Variants in SMYD3 observed in about 807,000 individuals in gnomAD.
SMYD3 encodes the protein SET and MYND domain containing 3.
SMYD3 carries 36 observed loss-of-function variants against 57.7 expected under a neutral mutation model. That is an observed-to-expected ratio of 0.62 (90% CI 0.48 to 0.82). The LOEUF (loss-of-function observed/expected upper bound fraction) is 0.82. Ranked by LOEUF, SMYD3 falls within the 40% of genes least tolerant of loss-of-function variation. The pLI, the probability that SMYD3 is intolerant of heterozygous loss-of-function variation, is 0.00. For synonymous variants in SMYD3, 211 were observed against 195.0 expected (o/e 1.08, Z -0.68); for missense variants, 515 against 538.8 (o/e 0.96, Z 0.44).
intron 1 of SMYD3, among the ~76,000 whole-genome samples, chr1:246,494,774 C>G (rs186473296): frequency 6.6e-6 from 1 of 152,330 alleles, no homozygotes; most frequent in Admixed American, 6.5e-5. Flanking sequence ...AAACATCTAT[C>G]ATAACCATGC....
intron 5 of SMYD3, among the ~76,000 whole-genome samples, chr1:246,286,507 C>T (rs2064566974): frequency 6.6e-6 from 1 of 152,166 alleles, no homozygotes; most frequent in Admixed American, 6.5e-5. Flanking sequence ...TAACACAAGA[C>T]TGACATTAGT....
chr1:246,138,417 A>T (rs2061696061), intron 5 of SMYD3, among the ~76,000 whole-genome samples: 2 of 151,204 alleles, frequency 1.3e-5, no homozygotes, highest in Admixed American at 6.6e-5. Context: ...TATTTTAAAA[A>T]TTTATTTATT....
At chr1:246,493,129 G>GT (rs998906029) in intron 1 of SMYD3, among the ~76,000 whole-genome samples, 36 of 151,582 alleles carry the variant, frequency 2.4e-4, no homozygotes, top group African/African-American at 8.7e-4. Context: ...AAATGGTATG[G>GT]TATATGAGTT....
intron 8 of SMYD3, among the ~76,000 whole-genome samples, chr1:245,886,082 G>GA (rs1167324728): frequency 2.6e-5 from 4 of 152,068 alleles, no homozygotes; most frequent in Non-Finnish European, 4.4e-5. Flanking sequence ...AGAAGGTATT[G>GA]AAAAAATGCC....
intron 5 of SMYD3, among the ~76,000 whole-genome samples, chr1:246,315,911 G>A (rs2065148690): frequency 6.6e-6 from 1 of 152,078 alleles, no homozygotes; most frequent in South Asian, 2.1e-4. Flanking sequence ...CACATCAAAT[G>A]GCAATGTCTG....
intron 1 of SMYD3, among the ~76,000 whole-genome samples, chr1:246,484,144 A>G (rs868094745): frequency 5.4e-5 from 3 of 55,688 alleles, no homozygotes; most frequent in Non-Finnish European, 3.1e-5. Context: ...AGTTACACCT[A>G]AAAACACATC....
chr1:246,101,064 GTTTTTTGTTT>G (rs2061002607), intron 5 of SMYD3, among the ~76,000 whole-genome samples: 2 of 78,560 alleles, frequency 2.5e-5, no homozygotes, highest in Non-Finnish European at 6.1e-5. Context: ...ATTTTTAGGG[GTTTTTTGTTT>G]TTTTTTTTTT....
chr1:245,816,711 C>G (rs1287094824), intron 10 of SMYD3, among the ~76,000 whole-genome samples: 3 of 152,082 alleles, frequency 2.0e-5, no homozygotes, highest in African/African-American at 7.2e-5. Flanking sequence ...CGAGCCGAAG[C>G]AGGGTAAGGC....
At chr1:246,354,688 T>C (rs1458010960) in intron 2 of SMYD3, among the ~76,000 whole-genome samples, 1 of 151,066 alleles carries the variant, frequency 6.6e-6, no homozygotes, top group Non-Finnish European at 1.5e-5. Flanking sequence ...TACACAAATA[T>C]GTCTGCACAA....
intron 5 of SMYD3, among the ~76,000 whole-genome samples, chr1:245,987,032 A>T (rs10924421): frequency 0.032 from 4,913 of 152,312 alleles, 264 homozygotes; most frequent in African/African-American, 0.11. Flanking sequence ...CCACTTGCGG[A>T]TGAATAGGAA....
chr1:245,767,814 C>A (rs1423993591), intron 10 of SMYD3, among the ~76,000 whole-genome samples: 3 of 152,202 alleles, frequency 2.0e-5, no homozygotes, highest in Non-Finnish European at 2.9e-5. Flanking sequence ...TGCAGACACA[C>A]ACGCGCAAAG....
At chr1:246,298,146 C>G (rs2064828595) in intron 5 of SMYD3, among the ~76,000 whole-genome samples, 1 of 151,754 alleles carries the variant, frequency 6.6e-6, no homozygotes, top group Non-Finnish European at 1.5e-5. Context: ...ACAGACAGTG[C>G]CACTTGTCAA....
chr1:245,753,664 C>G (rs928900602), intron 11 of SMYD3, among the ~76,000 whole-genome samples: 1 of 152,128 alleles, frequency 6.6e-6, no homozygotes, highest in African/African-American at 2.4e-5. Context: ...CGGAGAGGGC[C>G]CTGTGTGGCC....
chr1:245,864,524 C>T (rs1467549934), intron 8 of SMYD3, among the ~76,000 whole-genome samples: 1 of 152,150 alleles, frequency 6.6e-6, no homozygotes, highest in East Asian at 1.9e-4. Context: ...ACAAAGACCA[C>T]ATGTATGATT....
intron 10 of SMYD3, among the ~76,000 whole-genome samples, chr1:245,809,387 C>G (rs550505495): frequency 6.6e-6 from 1 of 152,234 alleles, no homozygotes; most frequent in East Asian, 1.9e-4. Flanking sequence ...CCTCAGGGAC[C>G]AATAGCACCC....
At chr1:246,127,265 A>T (rs559830978) in intron 5 of SMYD3, among the ~76,000 whole-genome samples, 1 of 152,054 alleles carries the variant, frequency 6.6e-6, no homozygotes, top group African/African-American at 2.4e-5. Flanking sequence ...ACCTGAGTCA[A>T]CTGCAGCACC....
rs1182642267 is a variant in SMYD3, at chr1:246,506,989, GCC to G, written c.164+63_164+64del. On this transcript the variant is annotated intron_variant, in intron 1 of 11. Transcript: ENST00000490107. ...GTCCCGCGGCTGCCGGCCGCCCGACGCCCCCCCCTCCCCAGCACCCCACACAG... is the reference window on the plus strand; with the variant it reads ...GTCCCGCGGCTGCCGGCCGCCCGACGCCCCCCTCCCCAGCACCCCACACAG... The G allele has an allele frequency of 1.3e-3, 815 of 650,612 alleles. 40 individuals are homozygous for G. Among genetic ancestry groups the G allele is most frequent in the Admixed American group, 2.6e-3 (41 of 15,602 alleles). The allele number at this position is 650,612 out of a possible 1,614,324, so 40.3% of individuals were successfully genotyped here.
intron 1 of SMYD3, among the ~76,000 whole-genome samples, chr1:246,373,814 T>G (rs2066228434): frequency 6.6e-6 from 1 of 152,216 alleles, no homozygotes; most frequent in Non-Finnish European, 1.5e-5. Context: ...TTTTATTTGA[T>G]TTGGAGTTAG....
At chr1:246,403,148 C>T (rs1426519170) in intron 1 of SMYD3, among the ~76,000 whole-genome samples, 2 of 151,932 alleles carry the variant, frequency 1.3e-5, no homozygotes, top group Non-Finnish European at 2.9e-5. Flanking sequence ...TTAGTTCCTC[C>T]CTGACTAATG....
Sources: gnomAD v4.1 joint callset for allele counts (sites outside exome capture counted in the v4.1 genomes callset) on GRCh38, gnomAD v4.1.1 for gene constraint, MANE v1.5 for transcripts, NCBI Gene and HGNC (gene_info 2026-07-23, HGNC 2026-07-21) for gene names.